DCC: variants seen among roughly 807,000 people sequenced by gnomAD.
The protein encoded by DCC is DCC netrin 1 receptor.
A neutral mutation model predicts 172.5 loss-of-function variants in DCC; 58 were observed. The observed-to-expected ratio is 0.34, with a 90% CI of 0.27 to 0.42. The LOEUF (loss-of-function observed/expected upper bound fraction) is 0.42. DCC is among the 10% of genes least tolerant of loss of function. DCC has a pLI of 1.00. For synonymous variants in DCC, 709 were observed against 644.5 expected, an observed-to-expected ratio of 1.10 and a Z score of -1.52; for missense variants, 1,740 against 1,791.0, an observed-to-expected ratio of 0.97 and a Z score of 0.51.
At chr18:53,206,449 GTATA>G (rs2055643169) in intron 10 of DCC, among the ~76,000 whole-genome samples, 1 of 118,084 alleles carries the variant, frequency 8.5e-6, no homozygotes, top group African/African-American at 3.2e-5. Context: ...ACATATATGT[GTATA>G]TGTATGTGTT....
At chr18:52,787,782 C>A (rs1027677224) in intron 2 of DCC, among the ~76,000 whole-genome samples, 19 of 152,010 alleles carry the variant, frequency 1.2e-4, no homozygotes, top group Non-Finnish European at 2.4e-4. Context: ...TCCCAGATTA[C>A]CATAAATTAT....
intron 1 of DCC, among the ~76,000 whole-genome samples, chr18:52,444,518 C>A (rs1476265313): frequency 6.6e-6 from 1 of 152,080 alleles, no homozygotes; most frequent in East Asian, 1.9e-4. Context: ...AAGGTCGAGA[C>A]AAAAGCACAC....
chr18:52,717,021 A>T (rs2036394829), intron 1 of DCC, among the ~76,000 whole-genome samples: 1 of 152,168 alleles, frequency 6.6e-6, no homozygotes, highest in South Asian at 2.1e-4. Context: ...TGTTCTGCCT[A>T]TTCATCTGTG....
chr18:52,623,537 C>T (rs1217821011), intron 1 of DCC, among the ~76,000 whole-genome samples: 1 of 152,138 alleles, frequency 6.6e-6, no homozygotes, highest in Non-Finnish European at 1.5e-5. Context: ...TTTTGTTCTT[C>T]CAACAAGGAG....
At chr18:52,511,097 T>A (rs180927403) in intron 1 of DCC, among the ~76,000 whole-genome samples, 1 of 152,116 alleles carries the variant, frequency 6.6e-6, no homozygotes, top group Admixed American at 6.5e-5. Context: ...CTGACTAACA[T>A]GGTGAAACCC....
At chr18:52,451,690 ATGTG>A (rs3086357) in intron 1 of DCC, among the ~76,000 whole-genome samples, 1 of 150,126 alleles carries the variant, frequency 6.7e-6, no homozygotes, top group Non-Finnish European at 1.5e-5. Context: ...GTGTGTATGT[ATGTG>A]TGTGTGTGTG....
chr18:53,213,685 A>G (rs1043692480), intron 11 of DCC, among the ~76,000 whole-genome samples: 6 of 150,112 alleles, frequency 4.0e-5, no homozygotes, highest in African/African-American at 1.2e-4. Flanking sequence ...GAAGTGACTC[A>G]ATATCACTTA....
At chr18:53,002,455 C>T (rs952427945) in intron 5 of DCC, among the ~76,000 whole-genome samples, 8 of 152,130 alleles carry the variant, frequency 5.3e-5, no homozygotes, top group Non-Finnish European at 8.8e-5. Flanking sequence ...GGTGACACTG[C>T]TGCACCACCT....
chr18:53,523,050 A>C (rs2144602333), intron 27 of DCC, among the ~76,000 whole-genome samples: 1 of 152,200 alleles, frequency 6.6e-6, no homozygotes, highest in East Asian at 1.9e-4. Context: ...ATCTACAAAG[A>C]ACTTAAACAA....
At chr18:52,527,717 T>C (rs1179738639) in intron 1 of DCC, among the ~76,000 whole-genome samples, 1 of 152,230 alleles carries the variant, frequency 6.6e-6, no homozygotes, top group African/African-American at 2.4e-5. Context: ...AGCTGTTCTA[T>C]TTCAATTACA....
At chr18:53,308,598 G>A (rs965940437) in intron 13 of DCC, among the ~76,000 whole-genome samples, 2 of 152,234 alleles carry the variant, frequency 1.3e-5, no homozygotes, top group African/African-American at 2.4e-5. Context: ...ATTTGCTAGC[G>A]TTAATTGCTT....
At chr18:53,487,104 CT>C (rs2045910224) in intron 26 of DCC, 146 bp downstream of exon 26, 1 of 1,103,896 alleles carries the variant, frequency 9.1e-7, no homozygotes, top group African/African-American at 1.6e-5. Flanking sequence ...CAACACAGTG[CT>C]TTGGATCCTA....
In DCC at chr18:53,412,319, T is replaced by G. The variant is rs574641766; in HGVS notation, c.3130+1673T>G. The stretch of plus-strand genomic sequence containing the variant: ...TGTTGTTTATATGCTAAAATAAGTT[T>G]TTGATCATTTAAAATTACTCAGAAA... On this transcript the variant is annotated intron_variant, in intron 20 of 28. Coordinates refer to ENST00000442544, the MANE Select transcript of DCC (RefSeq NM_005215.4). Among the ~76,000 whole-genome samples the G allele has an allele frequency of 2.0e-5, 3 of 152,302 alleles. No homozygotes were observed. The South Asian group carries it at 6.2e-4, about 32-fold the overall frequency.
At chr18:53,015,952 T>C (rs1196697367) in intron 5 of DCC, among the ~76,000 whole-genome samples, 1 of 152,136 alleles carries the variant, frequency 6.6e-6, no homozygotes, top group African/African-American at 2.4e-5. Context: ...GAATACTTTG[T>C]CAAAACTTGT....
intron 2 of DCC, among the ~76,000 whole-genome samples, chr18:52,862,226 C>T (rs1172116598): frequency 6.6e-6 from 1 of 151,606 alleles, no homozygotes; most frequent in African/African-American, 2.4e-5. Context: ...TTGGAATTTC[C>T]AAAAGTTAAT....
At chr18:53,412,630 G>C (rs1178514019) in intron 20 of DCC, among the ~76,000 whole-genome samples, 3 of 141,530 alleles carry the variant, frequency 2.1e-5, no homozygotes, top group African/African-American at 7.4e-5. Flanking sequence ...ATGTCCCGAA[G>C]CTGAGAAAAC....
intron 1 of DCC, among the ~76,000 whole-genome samples, chr18:52,417,458 G>A (rs1271776668): frequency 6.6e-6 from 1 of 152,122 alleles, no homozygotes; most frequent in African/African-American, 2.4e-5. Flanking sequence ...ATAATATCCT[G>A]GAGAGTGTTT....
intron 2 of DCC, among the ~76,000 whole-genome samples, chr18:52,767,418 C>A (rs1036559280): frequency 6.6e-6 from 1 of 152,152 alleles, no homozygotes; most frequent in African/African-American, 2.4e-5. Context: ...GCCAGCTACT[C>A]CAGGCAGCCT....
At chr18:53,180,669 T>G (rs1354315403) in intron 9 of DCC, among the ~76,000 whole-genome samples, 4 of 152,194 alleles carry the variant, frequency 2.6e-5, no homozygotes, top group Non-Finnish European at 5.9e-5. Flanking sequence ...TTCAATCTTC[T>G]TTTTTTATTT....
Sources: allele counts gnomAD v4.1 joint callset (sites outside exome capture counted in the v4.1 genomes callset), GRCh38; gene constraint gnomAD v4.1.1; transcripts MANE v1.5; gene names NCBI Gene and HGNC (gene_info 2026-07-23, HGNC 2026-07-21).